The following VHL variants were observed in gnomAD, a reference collection of about 807,000 sequenced individuals.
The protein encoded by VHL is von Hippel-Lindau disease tumor suppressor.
Under a neutral mutation model 19.2 loss-of-function variants are expected in VHL, and 10 were observed. The ratio of observed to expected loss-of-function variants is 0.52; its 90% confidence interval spans 0.32 to 0.89. VHL has a LOEUF of 0.89. Among genes scored for constraint, VHL ranks in the 40% least tolerant of loss-of-function variants. The pLI is 0.03. For synonymous variants in VHL, 167 were observed against 129.5 expected, an observed-to-expected ratio of 1.29 and a Z score of -1.97; for missense variants, 328 against 292.7, an observed-to-expected ratio of 1.12 and a Z score of -0.88.
rs1696426580 is a variant in VHL, at chr3:10,152,117, C to G, written c.*2152C>G. 1 of 158,846 alleles carries G rather than the reference C, an allele frequency of 6.3e-6. No homozygotes were observed. The highest frequency in any genetic ancestry group is 2.1e-4 in the South Asian group (1 of 4,838). 9.8% of individuals were successfully genotyped at this position (158,846 alleles called of 1,614,324 possible). ...GCATGGTGGCTCACGCCTGTAATCCCAGCACTTTGGGAGGTCGAGGTGGGC... is the reference window on the plus strand; with the variant it reads ...GCATGGTGGCTCACGCCTGTAATCCGAGCACTTTGGGAGGTCGAGGTGGGC... On this transcript the variant is annotated 3_prime_UTR_variant, in exon 3 of 3. Coordinates refer to ENST00000256474, the MANE Select transcript of VHL (RefSeq NM_000551.4).
intron 1 of VHL, among the ~76,000 whole-genome samples, chr3:10,144,496 C>CTTTTTT (rs34512214): frequency 0.13 from 15,363 of 116,170 alleles, 1,404 homozygotes; most frequent in African/African-American, 0.2. Context: ...TCTATCTTGT[C>CTTTTTT]TTTTTTTTTT....
At chr3:10,143,321 G>T (rs529691220) in intron 1 of VHL, among the ~76,000 whole-genome samples, 1 of 151,890 alleles carries the variant, frequency 6.6e-6, no homozygotes, top group Non-Finnish European at 1.5e-5. Flanking sequence ...AGAGACGGGG[G>T]TTTCGTCATT....
intron 1 of VHL, among the ~76,000 whole-genome samples, chr3:10,145,950 G>T (rs2543458): frequency 0.89 from 135,588 of 152,046 alleles, 60,601 homozygotes; most frequent in African/African-American, 0.94. Context: ...GCATGGGATT[G>T]AGAGCTTTAA....
chr3:10,144,009 C>A (rs545942078), intron 1 of VHL, among the ~76,000 whole-genome samples: 5 of 152,168 alleles, frequency 3.3e-5, no homozygotes, highest in African/African-American at 1.2e-4. Flanking sequence ...ATCTTTCTTC[C>A]TTGAGGGTGG....
At position 10,149,121 on chromosome 3, in the gene VHL, C is replaced by CT. The variant is rs1228531364; in HGVS notation, c.464-658dup. 2.2e-5 allele frequency among the ~76,000 whole-genome samples: 3 copies of CT among 134,574 alleles called. No homozygotes were observed. The Admixed American group carries it at 2.2e-4, about 10-fold the overall frequency. The allele number at this position is 134,574 out of a possible 152,430, so 88.3% of individuals were successfully genotyped here. On this transcript the variant is annotated intron_variant, in intron 2 of 2. Coordinates refer to ENST00000256474, the MANE Select transcript of VHL (RefSeq NM_000551.4). The stretch of plus-strand genomic sequence containing the variant: ...TTTTTTTTTTTCTCTTTTCTTTTTT[C>CT]TTTTTTTTCAAGATAGGGTCTCACT...
intron 1 of VHL, among the ~76,000 whole-genome samples, chr3:10,144,284 TAGTG>T (rs1333332085): frequency 1.4e-5 from 2 of 147,838 alleles, no homozygotes; most frequent in Non-Finnish European, 3.0e-5. Context: ...CTGTGCAACA[TAGTG>T]AGACCCTGTC....
At position 10,151,741 on chromosome 3, in the gene VHL, C is replaced by T. The variant is rs148883518; in HGVS notation, c.*1776C>T. On this transcript the variant is annotated 3_prime_UTR_variant, in exon 3 of 3. Coordinates refer to ENST00000256474, the MANE Select transcript of VHL (RefSeq NM_000551.4). ...TGGCATGCATCTTTAATTCCTTATC[C>T]TAGCCTTTGGGCACAATTCCTGTGC... 6.0e-4 allele frequency: 124 copies of T among 205,910 alleles called. No individual in the cohort carries two copies. Among genetic ancestry groups the T allele is most frequent in the African/African-American group, 2.6e-3 (114 of 43,860 alleles). The allele number at this position is 205,910 out of a possible 1,614,324, so 12.8% of individuals were successfully genotyped here.
rs1413188313 is a variant in VHL, at chr3:10,150,125, G to C, written c.*160G>C. 6.6e-7 allele frequency: 1 copy of C among 1,507,680 alleles called. No individual in the cohort carries two copies. The highest frequency in any genetic ancestry group is 1.4e-5 in the African/African-American group (1 of 72,210). 93.4% of individuals were successfully genotyped at this position (1,507,680 alleles called of 1,614,324 possible). On this transcript the variant is annotated 3_prime_UTR_variant, in exon 3 of 3. Coordinates refer to ENST00000256474, the MANE Select transcript of VHL (RefSeq NM_000551.4). ...AAAAGAAAGTTAACTGACTTCACTA[G>C]GCATTGTGATGTTTAGGGGCAAACA...
intron 2 of VHL, among the ~76,000 whole-genome samples, chr3:10,148,354 G>C (rs1486563122): frequency 1.5e-5 from 2 of 131,102 alleles, no homozygotes; most frequent in Non-Finnish European, 3.1e-5. Context: ...TCGCTCTGTC[G>C]CCCAGGCTGG....
rs766088261 is a variant in VHL, at chr3:10,149,854, A to G, written c.531A>G (p.Arg177=). Residue 177 remains arginine (R), a synonymous_variant, in exon 3 of 3, where the codon AGA becomes AGG. Transcript: ENST00000256474. ...TAGTCAAGCCTGAGAATTACAGGAG[A>G]CTGGACATCGTCAGGTCGCTCTACG... ...RSLVKPENYR[R]LDIVRSLYED... is the part of the protein sequence containing the mutation. 9 of 1,614,026 alleles carry G rather than the reference A, an allele frequency of 5.6e-6. No homozygotes were observed. In the African/African-American group the frequency reaches 8.0e-5, roughly 14 times the overall value.
At chr3:10,147,243 C>T (rs1201049644) in intron 2 of VHL, among the ~76,000 whole-genome samples, 1 of 152,126 alleles carries the variant, frequency 6.6e-6, no homozygotes, top group Non-Finnish European at 1.5e-5. Flanking sequence ...ATCTCCTGAC[C>T]TCATGATCTG....
rs587780732 is a variant in VHL at position 10,146,589 on chromosome 3, C to G, written c.416C>G (p.Ser139Cys). ...AACCAAACTGAATTATTTGTGCCAT[C>G]TCTCAATGTTGACGGACAGCCTATT... ...LVNQTELFVP[S>C]LNVDGQPIFA... The change falls in exon 2 of 3, where the codon TCT becomes TGT. Residue 139 changes from serine to cysteine, a missense_variant. Ser to Cys is a moderately radical substitution (Grantham distance 112). Coordinates refer to ENST00000256474, the MANE Select transcript of VHL (RefSeq NM_000551.4). 1.7e-5 allele frequency: 28 copies of G among 1,613,902 alleles called. No individual in the cohort carries two copies. The Admixed American group carries it at 4.7e-4, about 27-fold the overall frequency.
chr3:10,143,272 A>T (rs779807), intron 1 of VHL, among the ~76,000 whole-genome samples: 86,593 of 151,864 alleles, frequency 0.57, 27,819 homozygotes, highest in East Asian at 0.79. Context: ...CGGGGATTAC[A>T]GGCGTGCGCC....
chr3:10,147,416 G>A (rs1696289350), intron 2 of VHL, among the ~76,000 whole-genome samples: 1 of 151,008 alleles, frequency 6.6e-6, no homozygotes, highest in Non-Finnish European at 1.5e-5. Context: ...CCAGGCTGGA[G>A]TGCAGTGGTG....
chr3:10,145,305 G>A (rs755848625), intron 1 of VHL, among the ~76,000 whole-genome samples: 2 of 152,072 alleles, frequency 1.3e-5, no homozygotes, highest in African/African-American at 4.8e-5. Context: ...TTTATGCCCC[G>A]AGGAACAAGT....
chr3:10,151,384 A>C lies in VHL; in HGVS notation c.*1419A>C. The C allele has an allele frequency of 4.6e-6, 1 of 218,740 alleles. No homozygotes were observed. The highest frequency in any genetic ancestry group is 9.2e-6 in the Non-Finnish European group (1 of 109,132). 13.5% of individuals were successfully genotyped at this position (218,740 alleles called of 1,614,324 possible). A position where few individuals can be genotyped will look rare whatever the true frequency, so the allele number is the denominator to read the frequency against. On this transcript the variant is annotated 3_prime_UTR_variant, in exon 3 of 3. Transcript: ENST00000256474. ...TTGTAACTAATAGATTTTTTTTTCC[A>C]CTTTTGTTCTACTCCTTCCCTAATA...
intron 2 of VHL, among the ~76,000 whole-genome samples, chr3:10,147,153 AG>A (rs1276713253): frequency 2.0e-5 from 3 of 151,902 alleles, no homozygotes; most frequent in African/African-American, 7.3e-5. Context: ...CTGGGACTAC[AG>A]GCGTGTGCCA....
In VHL at chr3:10,152,556, G is replaced by A. The variant is rs1225416619; in HGVS notation, c.*2591G>A. Among the ~76,000 whole-genome samples, 1 of 118,042 alleles carries A rather than the reference G, an allele frequency of 8.5e-6. No homozygotes were observed. Among genetic ancestry groups the A allele is most frequent in the South Asian group, 2.9e-4 (1 of 3,396 alleles). The allele number at this position is 118,042 out of a possible 152,430, so 77.4% of individuals were successfully genotyped here. A position where few individuals can be genotyped will look rare whatever the true frequency, so the allele number is the denominator to read the frequency against. ...TGCCCAGGCTGGAGTGCAGTGGTGC[G>A]ATCTCTGCTCACTACAAGCTCTGCC... On this transcript the variant is annotated 3_prime_UTR_variant, in exon 3 of 3. Coordinates refer to ENST00000256474, the MANE Select transcript of VHL (RefSeq NM_000551.4).
chr3:10,148,124 C>CCCCAAAT (rs1696309228), intron 2 of VHL, among the ~76,000 whole-genome samples: 1 of 151,636 alleles, frequency 6.6e-6, no homozygotes, highest in Non-Finnish European at 1.5e-5. Context: ...CTCAAAAACC[C>CCCCAAAT]CCCAAATACA....
Sources: gnomAD v4.1 joint callset for allele counts (sites outside exome capture counted in the v4.1 genomes callset) on GRCh38, gnomAD v4.1.1 for gene constraint, MANE v1.5 for transcripts, NCBI Gene and HGNC (gene_info 2026-07-23, HGNC 2026-07-21) for gene names.